The following CLNK variants were observed in gnomAD, a reference collection of about 807,000 sequenced individuals.
The protein encoded by CLNK is cytokine dependent hematopoietic cell linker.
In CLNK, 74 loss-of-function variants were observed where a neutral mutation model predicts 68.6. That is an observed-to-expected ratio of 1.08 (90% CI 0.89 to 1.31). The LOEUF is 1.31. Ranked by LOEUF, CLNK falls within the 50% of genes most tolerant of loss-of-function variation. CLNK has a pLI of 0.00. For missense variants in CLNK, 553 were observed against 515.3 expected (o/e 1.07, Z -0.71); for synonymous variants, 198 against 172.2 (o/e 1.15, Z -1.17).
intron 2 of CLNK, among the ~76,000 whole-genome samples, chr4:10,648,612 T>C (rs1016115173): frequency 6.6e-6 from 1 of 152,190 alleles, no homozygotes; most frequent in Non-Finnish European, 1.5e-5. Flanking sequence ...AGTTATAGTA[T>C]TTCTTTTTCC....
At chr4:10,671,427 C>A (rs1180719455) in intron 1 of CLNK, among the ~76,000 whole-genome samples, 1 of 151,962 alleles carries the variant, frequency 6.6e-6, no homozygotes. Context: ...CCTTGGCAAC[C>A]CTTACCAGAG....
chr4:10,636,088 G>A lies in CLNK; in HGVS notation c.11+31771C>T, dbSNP rs543991852. Among the ~76,000 whole-genome samples, 8 of 152,260 alleles carry A rather than the reference G, an allele frequency of 5.3e-5. No homozygotes were observed. In the South Asian group the frequency reaches 1.5e-3, roughly 28 times the overall value. ...AGTAATTCTGCCTGATGGGGGCTGGGTAGACTTACAAAACACTGTCAAGAT... is the reference window on the plus strand; with the variant it reads ...AGTAATTCTGCCTGATGGGGGCTGGATAGACTTACAAAACACTGTCAAGAT... On this transcript the variant is annotated intron_variant, in intron 2 of 18. Transcript: ENST00000226951.
intron 8 of CLNK, among the ~76,000 whole-genome samples, chr4:10,553,723 G>A (rs61795094): frequency 0.041 from 6,173 of 152,196 alleles, 188 homozygotes; most frequent in Middle Eastern, 0.099. Context: ...CGAAATGCTG[G>A]GATTACAGGC....
chr4:10,549,759 C>G (rs1162780750), intron 8 of CLNK, among the ~76,000 whole-genome samples: 3 of 152,230 alleles, frequency 2.0e-5, no homozygotes, highest in Non-Finnish European at 2.9e-5. Context: ...GAAAAGTTCT[C>G]TGTCAAACAA....
rs1169037934 is a variant in CLNK, at chr4:10,488,438, G to C, written c.*2029C>G. 6.6e-6 allele frequency: 1 copy of C among 152,220 alleles called. No homozygotes were observed. The highest frequency in any genetic ancestry group is 1.5e-5 in the Non-Finnish European group (1 of 68,044). 9.4% of individuals were successfully genotyped at this position (152,220 alleles called of 1,614,324 possible). On this transcript the variant is annotated 3_prime_UTR_variant, in exon 19 of 19. Transcript: ENST00000226951. ...CTTAATGTGAGCCTGGAGCTCTTCT[G>C]TAAAGTCCTTGTTTCCATACTGTCC...
At chr4:10,642,646 C>T (rs1162447292) in intron 2 of CLNK, among the ~76,000 whole-genome samples, 1 of 152,096 alleles carries the variant, frequency 6.6e-6, no homozygotes, top group Non-Finnish European at 1.5e-5. Flanking sequence ...CCTGCAGTTT[C>T]CTCATCTATA....
the CLNK span, among the ~76,000 whole-genome samples, chr4:10,723,159 G>A: frequency 6.6e-6 from 1 of 152,160 alleles, no homozygotes; most frequent in African/African-American, 2.4e-5. Flanking sequence ...CAGGCTACAT[G>A]CAAATGAAGA....
intron 4 of CLNK, among the ~76,000 whole-genome samples, chr4:10,579,666 G>A (rs1720704380): frequency 1.3e-5 from 2 of 152,326 alleles, no homozygotes; most frequent in South Asian, 4.1e-4. Context: ...GGCTCTTAGA[G>A]CCAGCTAGCA....
At chr4:10,545,911 C>A (rs1031047556) in intron 8 of CLNK, among the ~76,000 whole-genome samples, 2 of 152,166 alleles carry the variant, frequency 1.3e-5, no homozygotes, top group East Asian at 3.9e-4. Context: ...TTGAGCCGGG[C>A]AGCCATGAAG....
intron 10 of CLNK, 30 bp downstream of exon 10, chr4:10,541,992 G>T: frequency 6.7e-7 from 1 of 1,501,522 alleles, no homozygotes; most frequent in East Asian, 2.3e-5. Flanking sequence ...ATTGTATAGC[G>T]AAAAAAAATG....
At chr4:10,551,815 C>T (rs564228480) in intron 8 of CLNK, among the ~76,000 whole-genome samples, 1 of 150,274 alleles carries the variant, frequency 6.7e-6, no homozygotes, top group South Asian at 2.1e-4. Flanking sequence ...GTAAAACTGC[C>T]TTTGCAAAGA....
At chr4:10,510,100 A>G (rs1468248219) in intron 16 of CLNK, among the ~76,000 whole-genome samples, 1 of 152,254 alleles carries the variant, frequency 6.6e-6, no homozygotes, top group East Asian at 1.9e-4. Flanking sequence ...TTATTTGTCC[A>G]AGTTGGAAGA....
intron 8 of CLNK, among the ~76,000 whole-genome samples, chr4:10,547,166 A>G (rs1455485550): frequency 6.6e-6 from 1 of 152,208 alleles, no homozygotes; most frequent in African/African-American, 2.4e-5. Context: ...CACTTGAATT[A>G]TAGCAGGTGG....
At chr4:10,614,168 T>G (rs980305245) in intron 2 of CLNK, among the ~76,000 whole-genome samples, 1 of 152,224 alleles carries the variant, frequency 6.6e-6, no homozygotes, top group Non-Finnish European at 1.5e-5. Flanking sequence ...TCTCCTCCCC[T>G]GGCAGATGTC....
intron 2 of CLNK, among the ~76,000 whole-genome samples, chr4:10,664,078 A>AAGTC (rs1285505995): frequency 3.9e-5 from 6 of 152,210 alleles, no homozygotes; most frequent in African/African-American, 1.4e-4. Context: ...CCACCCGAGA[A>AAGTC]GACTAAGGCA....
chr4:10,617,604 C>G (rs1209521826), intron 2 of CLNK, among the ~76,000 whole-genome samples: 2 of 152,132 alleles, frequency 1.3e-5, no homozygotes, highest in African/African-American at 4.8e-5. Flanking sequence ...AATTTTTGCT[C>G]AGAACATTAA....
At chr4:10,520,748 C>G in intron 15 of CLNK, 43 bp downstream of exon 15, 1 of 1,473,092 alleles carries the variant, frequency 6.8e-7, no homozygotes, top group Non-Finnish European at 9.4e-7. Context: ...ATCACAGTAT[C>G]GTGACTTACC....
chr4:10,717,891 A>C, the CLNK span, among the ~76,000 whole-genome samples: 1 of 152,256 alleles, frequency 6.6e-6, no homozygotes, highest in Non-Finnish European at 1.5e-5. Flanking sequence ...CAGAGATGTA[A>C]GACTTATCTG....
intron 2 of CLNK, among the ~76,000 whole-genome samples, chr4:10,641,984 C>A (rs1232775439): frequency 6.6e-6 from 1 of 152,130 alleles, no homozygotes; most frequent in Non-Finnish European, 1.5e-5. Context: ...TGTGAGGTCT[C>A]CCCAGCTATG....
Sources: allele counts gnomAD v4.1 joint callset (sites outside exome capture counted in the v4.1 genomes callset), GRCh38; gene constraint gnomAD v4.1.1; transcripts MANE v1.5; gene names NCBI Gene and HGNC (gene_info 2026-07-23, HGNC 2026-07-21).